Variants in PSIP1 observed in about 807,000 individuals in gnomAD.
The protein encoded by PSIP1 is PC4 and SRSF1 interacting protein 1.
Under a neutral mutation model 74.7 loss-of-function variants are expected in PSIP1, and 19 were observed. The ratio of observed to expected loss-of-function variants is 0.25; its 90% CI spans 0.18 to 0.37. The LOEUF is 0.37. Ranked by LOEUF, PSIP1 falls within the 10% of genes least tolerant of loss-of-function variation. PSIP1 has a pLI of 1.00. For synonymous variants in PSIP1, 222 were observed against 195.3 expected, an observed-to-expected ratio of 1.14 and a Z score of -1.14; for missense variants, 601 against 614.3, an observed-to-expected ratio of 0.98 and a Z score of 0.23.
chr9:15,498,042 A>G (rs1435278368), intron 3 of PSIP1, among the ~76,000 whole-genome samples: 4 of 152,174 alleles, frequency 2.6e-5, no homozygotes, highest in African/African-American at 9.7e-5. Context: ...GTCAAATTTT[A>G]TATTATAAAA....
rs539330922 is a variant in PSIP1, at chr9:15,468,748, G to A, written c.1302C>T (p.Ser434=). 2.5e-5 allele frequency: 40 copies of A among 1,613,904 alleles called. No individual in the cohort carries two copies. The Middle Eastern group carries it at 4.9e-4, about 20-fold the overall frequency. ...ATTTATTCAGCACTTGGGTGATCAC[G>A]GAATCTCCTTCACCAACCAAGAACA... is the stretch of plus-strand genomic sequence containing the variant. ...KNMFLVGEGD[S]VITQVLNKSL... Residue 434 remains serine (S), a synonymous_variant, in exon 14 of 16, where the codon TCC becomes TCT. Coordinates refer to ENST00000380733, the MANE Select transcript of PSIP1 (RefSeq NM_033222.5).
intron 3 of PSIP1, among the ~76,000 whole-genome samples, chr9:15,501,372 G>C (rs2037335544): frequency 6.7e-6 from 1 of 150,346 alleles, no homozygotes; most frequent in South Asian, 2.1e-4. Context: ...CTCTTCGAGT[G>C]TGGGTGAAAA....
chr9:15,478,731 A>C (rs2036207155), intron 7 of PSIP1, among the ~76,000 whole-genome samples, 179 bp from the exon 8 acceptor site: 1 of 152,196 alleles, frequency 6.6e-6, no homozygotes, highest in Non-Finnish European at 1.5e-5. Context: ...ATGAGCAACA[A>C]CAAAAAATTT....
intron 3 of PSIP1, chr9:15,505,243 T>G (rs2037534467): frequency 6.6e-6 from 1 of 152,166 alleles, no homozygotes; most frequent in Non-Finnish European, 1.5e-5. Flanking sequence ...AGCCAAGAAC[T>G]TACATTTTAA....
chr9:15,510,010 A>T, intron 2 of PSIP1, 107 bp downstream of exon 2: 2 of 1,163,118 alleles, frequency 1.7e-6, no homozygotes, highest in Non-Finnish European at 2.4e-6. Context: ...AATGAGACTA[A>T]AGCGAGGGAG....
At chr9:15,472,055 A>T (rs1271988989) in intron 10 of PSIP1, 17 of 975,314 alleles carry the variant, frequency 1.7e-5, no homozygotes, top group Non-Finnish European at 1.9e-5. Flanking sequence ...TAGTAAGGGG[A>T]AAGAAATTCC....
chr9:15,468,471 T>C, intron 14 of PSIP1, 159 bp downstream of exon 14: 1 of 826,688 alleles, frequency 1.2e-6, no homozygotes, highest in Middle Eastern at 2.2e-4. Context: ...CACACTGCTC[T>C]AGTCCTTCAA....
rs112671758 is a variant in PSIP1, at chr9:15,501,840, C to CATATATATATATATATATATATAT, written c.149+4697_149+4720dup. Among the ~76,000 whole-genome samples the CATATATATATATATATATATATAT allele has an allele frequency of 3.8e-3, 469 of 124,340 alleles. 6 individuals carry two copies. Among genetic ancestry groups the CATATATATATATATATATATATAT allele is most frequent in the African/African-American group, 7.0e-3 (191 of 27,406 alleles). 81.6% of individuals were successfully genotyped at this position (124,340 alleles called of 152,430 possible). On this transcript the variant is annotated intron_variant, in intron 3 of 15. Transcript: ENST00000380733. ...TGTTTAAGTCCCTTATATAAAACAG[C>CATATATATATATATATATATATAT]ATATATATATATATATATATATATA... is the stretch of plus-strand genomic sequence containing the variant.
chr9:15,481,451 G>A (rs1222291591), intron 6 of PSIP1, among the ~76,000 whole-genome samples: 5 of 152,202 alleles, frequency 3.3e-5, no homozygotes, highest in South Asian at 2.1e-4. Flanking sequence ...CCCACTCAGC[G>A]CTTTGGGAGG....
At position 15,472,608 on chromosome 9, in the gene PSIP1, A is replaced by G. The variant is rs188154849; in HGVS notation, c.977+24T>C. ...TGCTAGCCTTTAAAAAGAACCCAAA[A>G]TTTAGAAAAAAAAAAATACTTACTG... is the stretch of plus-strand genomic sequence containing the variant. On this transcript the variant is annotated intron_variant, in intron 10 of 15. Coordinates refer to ENST00000380733, the MANE Select transcript of PSIP1 (RefSeq NM_033222.5). 3.9e-4 allele frequency: 615 copies of G among 1,564,666 alleles called. 4 individuals carry two copies. In the African/African-American group the frequency reaches 8.0e-3, roughly 20 times the overall value.
At chr9:15,494,823 C>T (rs1461578582) in intron 3 of PSIP1, among the ~76,000 whole-genome samples, 1 of 152,062 alleles carries the variant, frequency 6.6e-6, no homozygotes, top group Non-Finnish European at 1.5e-5. Flanking sequence ...ATCATTAATT[C>T]CTGTCCATAA....
chr9:15,496,452 A>G (rs1211085180), intron 3 of PSIP1, among the ~76,000 whole-genome samples: 1 of 152,260 alleles, frequency 6.6e-6, no homozygotes, highest in East Asian at 1.9e-4. Flanking sequence ...AAGACATAGC[A>G]AAGTGGTTTA....
chr9:15,499,360 C>G (rs959260537), intron 3 of PSIP1, among the ~76,000 whole-genome samples: 1 of 152,188 alleles, frequency 6.6e-6, no homozygotes, highest in Non-Finnish European at 1.5e-5. Flanking sequence ...GAATTCAATA[C>G]TAGTTTTATA....
chr9:15,502,653 T>C (rs2037400941), intron 3 of PSIP1, among the ~76,000 whole-genome samples: 1 of 152,126 alleles, frequency 6.6e-6, no homozygotes, highest in African/African-American at 2.4e-5. Flanking sequence ...TCCGAATACA[T>C]TTGAAAGGCA....
chr9:15,509,851 C>G (rs539206540), intron 2 of PSIP1, among the ~76,000 whole-genome samples: 25 of 152,248 alleles, frequency 1.6e-4, no homozygotes, highest in African/African-American at 6.0e-4. Context: ...TATTAACTAG[C>G]AACGCATTTA....
At chr9:15,488,483 T>C (rs79038741) in intron 4 of PSIP1, among the ~76,000 whole-genome samples, 2,615 of 152,320 alleles carry the variant, frequency 0.017, 30 homozygotes, top group South Asian at 0.033. Flanking sequence ...GTCCCAATTA[T>C]CTTCATAAAG....
intron 10 of PSIP1, chr9:15,470,791 A>G: frequency 9.9e-7 from 1 of 1,005,448 alleles, no homozygotes; most frequent in Non-Finnish European, 1.2e-6. Flanking sequence ...CCCCATTCTC[A>G]GGGATATAAC....
intron 8 of PSIP1, among the ~76,000 whole-genome samples, chr9:15,476,559 G>A (rs1164949927): frequency 6.6e-6 from 1 of 152,182 alleles, no homozygotes; most frequent in Non-Finnish European, 1.5e-5. Flanking sequence ...CTGGGTCAAA[G>A]ACCCAATAAA....
rs577861458 is a variant in PSIP1 at position 15,510,528 on chromosome 9, G to A, written c.-141-199C>T. On this transcript the variant is annotated intron_variant, in intron 1 of 15. Transcript: ENST00000380733. ...GAAGAGACGCCACCACCTGAAGCAGGGATGCTGCCCGGCCAGAAATCGCCC... is the reference window on the plus strand; with the variant it reads ...GAAGAGACGCCACCACCTGAAGCAGAGATGCTGCCCGGCCAGAAATCGCCC... Among the ~76,000 whole-genome samples, 408 of 152,192 alleles carry A rather than the reference G, an allele frequency of 2.7e-3. 1 individual carries two copies. The highest frequency in any genetic ancestry group is 9.6e-3 in the African/African-American group (397 of 41,538).
Sources: allele counts gnomAD v4.1 joint callset (sites outside exome capture counted in the v4.1 genomes callset), GRCh38; gene constraint gnomAD v4.1.1; transcripts MANE v1.5; gene names NCBI Gene and HGNC (gene_info 2026-07-23, HGNC 2026-07-21).